Variants in SLC44A5 observed in about 807,000 individuals in gnomAD.
SLC44A5 encodes the protein solute carrier family 44 member 5.
A neutral mutation model predicts 101.8 loss-of-function variants in SLC44A5; 57 were observed. That is an observed-to-expected ratio of 0.56 (90% CI 0.45 to 0.70). SLC44A5 has a LOEUF of 0.70. Ranked by LOEUF, SLC44A5 falls within the 30% of genes least tolerant of loss-of-function variation. SLC44A5 has a pLI of 0.00. For synonymous variants in SLC44A5, 281 were observed against 290.9 expected, an observed-to-expected ratio of 0.97 and a Z score of 0.35; for missense variants, 737 against 853.1, an observed-to-expected ratio of 0.86 and a Z score of 1.70.
chr1:75,273,662 T>C (rs1651678632), intron 6 of SLC44A5, among the ~76,000 whole-genome samples: 1 of 152,190 alleles, frequency 6.6e-6, no homozygotes, highest in African/African-American at 2.4e-5. Context: ...TAATTCTGTG[T>C]ATGTGATGTA....
At chr1:75,392,961 C>T (rs1249819) in intron 3 of SLC44A5, among the ~76,000 whole-genome samples, 77,449 of 151,920 alleles carry the variant, frequency 0.51, 21,144 homozygotes, top group East Asian at 0.94. Context: ...TGGGTACATA[C>T]AGACATAAAC....
intron 3 of SLC44A5, among the ~76,000 whole-genome samples, chr1:75,373,846 G>A (rs754403489): frequency 4.2e-4 from 64 of 152,174 alleles, no homozygotes; most frequent in Admixed American, 1.0e-3. Flanking sequence ...CAAAACTACT[G>A]GCCGAGTCCC....
intron 1 of SLC44A5, among the ~76,000 whole-genome samples, chr1:75,590,451 T>C (rs1674282993): frequency 1.3e-5 from 2 of 152,272 alleles, no homozygotes; most frequent in South Asian, 2.1e-4. Context: ...ACTTGCTGGC[T>C]TCAAGTACCA....
At chr1:75,247,751 C>T (rs1464090683) in intron 7 of SLC44A5, among the ~76,000 whole-genome samples, 1 of 151,944 alleles carries the variant, frequency 6.6e-6, no homozygotes, top group East Asian at 1.9e-4. Flanking sequence ...TGATTAAATA[C>T]TGTTGTTAGA....
intron 22 of SLC44A5, among the ~76,000 whole-genome samples, chr1:75,212,716 AT>A: frequency 6.6e-6 from 1 of 152,168 alleles, no homozygotes; most frequent in Admixed American, 6.6e-5. Flanking sequence ...CTGGGTTTGA[AT>A]CACAGCTCAG....
chr1:75,295,189 G>A (rs1462607799), intron 5 of SLC44A5, among the ~76,000 whole-genome samples: 2 of 147,184 alleles, frequency 1.4e-5, no homozygotes, highest in Non-Finnish European at 3.1e-5. Flanking sequence ...AGCTCATAAA[G>A]CTAAAAAATT....
chr1:75,705,547 C>A, the SLC44A5 span, among the ~76,000 whole-genome samples: 1 of 152,136 alleles, frequency 6.6e-6, no homozygotes, highest in Non-Finnish European at 1.5e-5. Flanking sequence ...TTCGTGCATT[C>A]TCTGATTTTT....
intron 7 of SLC44A5, among the ~76,000 whole-genome samples, chr1:75,248,997 G>A (rs1173348784): frequency 1.3e-5 from 2 of 152,018 alleles, no homozygotes; most frequent in Non-Finnish European, 2.9e-5. Flanking sequence ...GTCCCAGTAA[G>A]GTAAAAGAAT....
intron 1 of SLC44A5, among the ~76,000 whole-genome samples, chr1:75,546,864 C>T (rs1671679435): frequency 6.6e-6 from 1 of 151,940 alleles, no homozygotes; most frequent in African/African-American, 2.4e-5. Context: ...AACTTTGCAC[C>T]AAAATAAACT....
chr1:75,656,124 G>GA, the SLC44A5 span, among the ~76,000 whole-genome samples: 1,229 of 152,250 alleles, frequency 8.1e-3, 17 homozygotes, highest in Admixed American at 0.037. Flanking sequence ...GTGCTGAAGG[G>GA]AAAAACTTCC....
At chr1:75,485,547 G>A (rs1428173903) in intron 2 of SLC44A5, among the ~76,000 whole-genome samples, 1 of 152,178 alleles carries the variant, frequency 6.6e-6, no homozygotes, top group Non-Finnish European at 1.5e-5. Context: ...TCTCTAGGAA[G>A]TTCCAAACTT....
chr1:75,542,925 C>T (rs1447284846), intron 1 of SLC44A5, among the ~76,000 whole-genome samples: 1 of 152,114 alleles, frequency 6.6e-6, no homozygotes, highest in Non-Finnish European at 1.5e-5. Context: ...CAGTATTTCT[C>T]AAACTAAGAT....
intron 1 of SLC44A5, among the ~76,000 whole-genome samples, chr1:75,564,760 C>T (rs1285696135): frequency 6.6e-6 from 1 of 152,000 alleles, no homozygotes; most frequent in Non-Finnish European, 1.5e-5. Context: ...GCTGGGACTA[C>T]AGGTGACCGC....
chr1:75,461,886 G>A (rs1304883596), intron 2 of SLC44A5, among the ~76,000 whole-genome samples: 1 of 152,152 alleles, frequency 6.6e-6, no homozygotes, highest in Non-Finnish European at 1.5e-5. Context: ...ACATCAGATG[G>A]CCTTTTAAGG....
At chr1:75,593,634 A>G (rs190821041) in intron 1 of SLC44A5, among the ~76,000 whole-genome samples, 276 of 152,280 alleles carry the variant, frequency 1.8e-3, no homozygotes, top group African/African-American at 6.1e-3. Flanking sequence ...GGACATATAC[A>G]CAATGGAGTA....
At chr1:75,418,335 G>A (rs1325834780) in intron 2 of SLC44A5, among the ~76,000 whole-genome samples, 1 of 152,154 alleles carries the variant, frequency 6.6e-6, no homozygotes, top group Non-Finnish European at 1.5e-5. Flanking sequence ...CCAGGCAGAT[G>A]AACAATTAGA....
chr1:75,439,462 A>G (rs1450538749), intron 2 of SLC44A5, among the ~76,000 whole-genome samples: 2 of 152,154 alleles, frequency 1.3e-5, no homozygotes, highest in Non-Finnish European at 2.9e-5. Context: ...GCATGCCTGT[A>G]ATCCAAGCTA....
chr1:75,544,992 T>C (rs1428876288), intron 1 of SLC44A5, among the ~76,000 whole-genome samples: 1 of 152,178 alleles, frequency 6.6e-6, no homozygotes, highest in African/African-American at 2.4e-5. Flanking sequence ...TTTCTCCTAA[T>C]GCTATCCGTC....
chr1:75,651,453 C>G, the SLC44A5 span, among the ~76,000 whole-genome samples: 1 of 152,036 alleles, frequency 6.6e-6, no homozygotes, highest in Non-Finnish European at 1.5e-5. Flanking sequence ...TACTCGCACT[C>G]TGGGAGGCCA....
Sources: allele counts gnomAD v4.1 joint callset (sites outside exome capture counted in the v4.1 genomes callset), GRCh38; gene constraint gnomAD v4.1.1; transcripts MANE v1.5; gene names NCBI Gene and HGNC (gene_info 2026-07-23, HGNC 2026-07-21).